Variants in SLC38A11 observed in about 807,000 individuals in gnomAD.
The protein encoded by SLC38A11 is solute carrier family 38 member 11.
SLC38A11 carries 51 observed loss-of-function variants against 49.4 expected under a neutral mutation model. The observed-to-expected ratio is 1.03, with a 90% CI of 0.83 to 1.30. The LOEUF (loss-of-function observed/expected upper bound fraction) is 1.30, where lower values mean the gene tolerates loss of function less well. SLC38A11 is among the 50% of genes most tolerant of loss of function. SLC38A11 has a pLI of 0.00. For synonymous variants in SLC38A11, 203 were observed against 192.9 expected (o/e 1.05, Z -0.43); for missense variants, 574 against 556.2 (o/e 1.03, Z -0.32).
chr2:164,901,896 T>C (rs1684675009), intron 11 of SLC38A11, among the ~76,000 whole-genome samples: 1 of 152,164 alleles, frequency 6.6e-6, no homozygotes, highest in Non-Finnish European at 1.5e-5. Context: ...AGGTTTTTCA[T>C]AAATAGCCTT....
Position 164,945,319 on chromosome 2 carries a change from T to C in SLC38A11, c.364+274A>G, listed in dbSNP as rs531502883. Among the ~76,000 whole-genome samples, 5 of 152,060 alleles carry C rather than the reference T, an allele frequency of 3.3e-5. No homozygotes were observed. The South Asian group carries it at 1.0e-3, about 32-fold the overall frequency. On this transcript the variant is annotated intron_variant, in intron 4 of 11. Transcript: ENST00000685975. Reference sequence around the variant, plus strand: ...ATGTGTTATTTCTCTTGTTCACTCTTTATTCTAGGTCATTCAATTTTTTAC... The same window carrying C: ...ATGTGTTATTTCTCTTGTTCACTCTCTATTCTAGGTCATTCAATTTTTTAC...
At chr2:164,949,053 A>T (rs1368009764) in intron 3 of SLC38A11, among the ~76,000 whole-genome samples, 1 of 150,960 alleles carries the variant, frequency 6.6e-6, no homozygotes, top group Non-Finnish European at 1.5e-5. Flanking sequence ...TTTCTGCTTG[A>T]CACACTATAT....
intron 7 of SLC38A11, among the ~76,000 whole-genome samples, chr2:164,932,311 G>A (rs2105488554): frequency 6.6e-6 from 1 of 152,268 alleles, no homozygotes; most frequent in Non-Finnish European, 1.5e-5. Flanking sequence ...CACCATTGGT[G>A]GGAGTGTAAA....
chr2:164,922,456 C>T (rs1686273241), intron 7 of SLC38A11, among the ~76,000 whole-genome samples: 1 of 152,170 alleles, frequency 6.6e-6, no homozygotes, highest in African/African-American at 2.4e-5. Flanking sequence ...CTTCCTCACT[C>T]TCAGCTCACT....
intron 6 of SLC38A11, among the ~76,000 whole-genome samples, 170 bp downstream of exon 6, chr2:164,939,280 C>T (rs1450044661): frequency 6.6e-6 from 1 of 151,984 alleles, no homozygotes; most frequent in Non-Finnish European, 1.5e-5. Flanking sequence ...ACTATTTAAT[C>T]ATCGGTTCTC....
At chr2:164,948,570 A>G (rs10169539) in intron 3 of SLC38A11, among the ~76,000 whole-genome samples, 121,304 of 152,054 alleles carry the variant, frequency 0.8, 48,808 homozygotes, top group East Asian at 0.99. Flanking sequence ...TCCCAACTCT[A>G]TTGCCAGTAA....
At position 164,946,794 on chromosome 2, in the gene SLC38A11, G is replaced by A. The variant is rs569695407; in HGVS notation, c.230-1067C>T. On this transcript the variant is annotated intron_variant, in intron 3 of 11. Transcript: ENST00000685975. ...TCATTTTTATCCATTAAGTAATATGGAAATGCATTAAAATGCAAGCCATTG... is the reference window on the plus strand; with the variant it reads ...TCATTTTTATCCATTAAGTAATATGAAAATGCATTAAAATGCAAGCCATTG... 3.3e-5 allele frequency among the ~76,000 whole-genome samples: 5 copies of A among 152,030 alleles called. No individual in the cohort carries two copies. The South Asian group carries it at 8.3e-4, about 25-fold the overall frequency.
chr2:164,923,663 G>A (rs1686365453), intron 7 of SLC38A11, among the ~76,000 whole-genome samples: 1 of 152,064 alleles, frequency 6.6e-6, no homozygotes, highest in South Asian at 2.1e-4. Context: ...CACGCGTGGT[G>A]GTGCACACCT....
At chr2:164,928,219 C>G (rs1164374962) in intron 7 of SLC38A11, among the ~76,000 whole-genome samples, 6 of 152,190 alleles carry the variant, frequency 3.9e-5, no homozygotes. Flanking sequence ...CTAGCTCTAA[C>G]AGTGAGTGTT....
At chr2:164,916,170 A>C (rs2105464376) in intron 7 of SLC38A11, among the ~76,000 whole-genome samples, 197 bp from the exon 8 acceptor site, 1 of 152,256 alleles carries the variant, frequency 6.6e-6, no homozygotes, top group Non-Finnish European at 1.5e-5. Context: ...CCAGTCCTCT[A>C]AAATGTATGT....
rs1684361427 is a variant in SLC38A11 at position 164,895,145 on chromosome 2, C to T, written c.*3292G>A. Among the ~76,000 whole-genome samples the T allele has an allele frequency of 6.6e-6, 1 of 152,198 alleles. No individual in the cohort carries two copies. The highest frequency in any genetic ancestry group is 2.4e-5 in the African/African-American group (1 of 41,468). ...GACACATGTCCAAGTTTAAAAGCCA[C>T]TACCCTAGACAAAGACTGGGCTCTT... On this transcript the variant is annotated 3_prime_UTR_variant, in exon 12 of 12. Transcript: ENST00000685975.
chr2:164,955,362 C>A lies in SLC38A11; in HGVS notation c.-115G>T. 4.9e-6 allele frequency: 5 copies of A among 1,028,960 alleles called. No individual in the cohort carries two copies. Among genetic ancestry groups the A allele is most frequent in the Non-Finnish European group, 7.3e-6 (5 of 685,088 alleles). 63.7% of individuals were successfully genotyped at this position (1,028,960 alleles called of 1,614,324 possible). ...CCGAGGTCCGCGTGTAGCCGCAGAG[C>A]TGCAGGGAGCCAGTTCCACGGGCGC... On this transcript the variant is annotated 5_prime_UTR_variant, in exon 1 of 12. Coordinates refer to ENST00000685975, the MANE Select transcript of SLC38A11 (RefSeq NM_001351537.2).
chr2:164,907,642 A>G (rs538848829), intron 11 of SLC38A11, among the ~76,000 whole-genome samples: 15 of 152,272 alleles, frequency 9.9e-5, no homozygotes, highest in African/African-American at 3.4e-4. Context: ...TTCTTATTGC[A>G]TTCATCCTTA....
intron 11 of SLC38A11, among the ~76,000 whole-genome samples, chr2:164,907,464 C>T (rs1006842870): frequency 3.3e-5 from 5 of 151,780 alleles, no homozygotes; most frequent in Admixed American, 3.3e-4. Context: ...CGGGGTTTCA[C>T]TGTGTTGCCC....
At chr2:164,912,164 C>A (rs1048061846) in intron 9 of SLC38A11, 1 of 152,514 alleles carries the variant, frequency 6.6e-6, no homozygotes, top group Non-Finnish European at 1.5e-5. Context: ...AACTTCATTT[C>A]ATTTAATTAA....
At chr2:164,943,594 A>C (rs948542547) in intron 5 of SLC38A11, among the ~76,000 whole-genome samples, 1 of 152,162 alleles carries the variant, frequency 6.6e-6, no homozygotes, top group African/African-American at 2.4e-5. Flanking sequence ...AGGGAGCTGG[A>C]GATTAGGATT....
chr2:164,934,011 C>G (rs1299287312), intron 7 of SLC38A11, among the ~76,000 whole-genome samples: 3 of 152,118 alleles, frequency 2.0e-5, no homozygotes, highest in Non-Finnish European at 4.4e-5. Context: ...GAAGGTCAGA[C>G]AGATGTAGGC....
chr2:164,898,832 A>T, intron 11 of SLC38A11, 102 bp from the exon 12 acceptor site: 20 of 1,104,674 alleles, frequency 1.8e-5, no homozygotes, highest in Non-Finnish European at 2.3e-5. Flanking sequence ...TGCACATGTT[A>T]AACATGTGAT....
At chr2:164,941,996 G>T (rs1176582802) in intron 5 of SLC38A11, among the ~76,000 whole-genome samples, 1 of 152,006 alleles carries the variant, frequency 6.6e-6, no homozygotes, top group African/African-American at 2.4e-5. Context: ...TGAAAGGATG[G>T]TTTCCACCCG....
Sources: allele counts gnomAD v4.1 joint callset (sites outside exome capture counted in the v4.1 genomes callset), GRCh38; gene constraint gnomAD v4.1.1; transcripts MANE v1.5; gene names NCBI Gene and HGNC (gene_info 2026-07-23, HGNC 2026-07-21).